Variants in ARHGAP42 observed in about 807,000 individuals in gnomAD.
ARHGAP42 encodes the protein rho GTPase-activating protein 42.
ARHGAP42 carries 63 observed loss-of-function variants against 125.0 expected under a neutral mutation model. That is an observed-to-expected ratio of 0.50 (90% CI 0.41 to 0.62). The LOEUF (loss-of-function observed/expected upper bound fraction) is 0.62. Among genes scored for constraint, ARHGAP42 ranks in the 20% least tolerant of loss-of-function variants. The probability of loss-of-function intolerance (pLI) is 0.00; values close to 1 mark genes in which losing one functional copy is unlikely to be tolerated. For synonymous variants in ARHGAP42, 339 were observed against 351.0 expected, an observed-to-expected ratio of 0.97 and a Z score of 0.38; for missense variants, 766 against 1,024.2, an observed-to-expected ratio of 0.75 and a Z score of 3.44.
chr11:100,920,939 C>T (rs537938244), intron 5 of ARHGAP42, among the ~76,000 whole-genome samples: 1 of 152,038 alleles, frequency 6.6e-6, no homozygotes, highest in African/African-American at 2.4e-5. Context: ...TGTTATGCAG[C>T]ATCCAAGATA....
At chr11:100,802,140 AG>A (rs1457112521) in intron 3 of ARHGAP42, among the ~76,000 whole-genome samples, 2 of 152,306 alleles carry the variant, frequency 1.3e-5, no homozygotes, top group East Asian at 3.9e-4. Flanking sequence ...GTACCACCAT[AG>A]AAACCAGTCT....
chr11:100,687,512 A>C lies in ARHGAP42; in HGVS notation c.-167A>C. On this transcript the variant is annotated 5_prime_UTR_variant, in exon 1 of 24. Transcript: ENST00000298815. The stretch of plus-strand genomic sequence containing the variant: ...GGGGGAGGAAGACTGAGCCCGGCGC[A>C]GGCGGCGCGGCGCTCGGGGCCCGTT... The C allele has an allele frequency of 5.4e-6, 2 of 368,250 alleles. No individual in the cohort carries two copies. Among genetic ancestry groups the C allele is most frequent in the Non-Finnish European group, 8.2e-6 (2 of 243,532 alleles). 22.8% of individuals were successfully genotyped at this position (368,250 alleles called of 1,614,324 possible). A position where few individuals can be genotyped will look rare whatever the true frequency, so the allele number is the denominator to read the frequency against.
At position 100,991,212 on chromosome 11, in the gene ARHGAP42, A is replaced by G. The variant is rs1858823042; in HGVS notation, c.*2411A>G. On this transcript the variant is annotated 3_prime_UTR_variant, in exon 24 of 24. Coordinates refer to ENST00000298815, the MANE Select transcript of ARHGAP42 (RefSeq NM_152432.4). ...CAATGTAAGCAAGTCATGGCCATATACTGGAGACGGGCTAAAGCTGCTTTT... is the reference window on the plus strand; with the variant it reads ...CAATGTAAGCAAGTCATGGCCATATGCTGGAGACGGGCTAAAGCTGCTTTT... The G allele has an allele frequency of 6.6e-6, 1 of 152,172 alleles. No individual in the cohort carries two copies. The highest frequency in any genetic ancestry group is 1.5e-5 in the Non-Finnish European group (1 of 68,026). 9.4% of individuals were successfully genotyped at this position (152,172 alleles called of 1,614,324 possible). A position where few individuals can be genotyped will look rare whatever the true frequency, so the allele number is the denominator to read the frequency against.
intron 4 of ARHGAP42, among the ~76,000 whole-genome samples, chr11:100,889,061 A>G (rs1181340312): frequency 6.6e-6 from 1 of 152,198 alleles, no homozygotes; most frequent in Non-Finnish European, 1.5e-5. Flanking sequence ...TAAACTTAAC[A>G]TCCTTGGAAC....
At chr11:100,942,135 G>C (rs1250719920) in intron 9 of ARHGAP42, among the ~76,000 whole-genome samples, 1 of 152,136 alleles carries the variant, frequency 6.6e-6, no homozygotes, top group African/African-American at 2.4e-5. Context: ...GTAGATTACA[G>C]AGGTGTCATC....
intron 1 of ARHGAP42, among the ~76,000 whole-genome samples, chr11:100,760,786 A>T (rs1037640835): frequency 6.6e-6 from 1 of 152,186 alleles, no homozygotes; most frequent in Non-Finnish European, 1.5e-5. Context: ...GGAGAAAGGA[A>T]GTTGTAAGAG....
chr11:100,977,780 G>A (rs890865195), intron 21 of ARHGAP42, among the ~76,000 whole-genome samples: 8 of 152,072 alleles, frequency 5.3e-5, no homozygotes, highest in Non-Finnish European at 8.8e-5. Flanking sequence ...CTTTTCTACC[G>A]TTTCCAACCT....
At chr11:100,923,712 T>C (rs1867343347) in intron 6 of ARHGAP42, among the ~76,000 whole-genome samples, 1 of 152,182 alleles carries the variant, frequency 6.6e-6, no homozygotes, top group African/African-American at 2.4e-5. Context: ...TCTTCTGTCA[T>C]GCATGCCTTT....
intron 1 of ARHGAP42, among the ~76,000 whole-genome samples, chr11:100,743,173 T>C (rs1451972651): frequency 2.0e-5 from 3 of 152,236 alleles, no homozygotes; most frequent in Non-Finnish European, 2.9e-5. Flanking sequence ...GTGAGTTTTA[T>C]GCTTTCAAGA....
chr11:100,942,556 G>A (rs1283426802), intron 9 of ARHGAP42, among the ~76,000 whole-genome samples: 2 of 152,142 alleles, frequency 1.3e-5, no homozygotes, highest in African/African-American at 4.8e-5. Flanking sequence ...GTCACAATCT[G>A]AGCACGCTGA....
chr11:100,925,294 T>C (rs575971967), intron 6 of ARHGAP42, among the ~76,000 whole-genome samples: 2 of 152,188 alleles, frequency 1.3e-5, no homozygotes, highest in South Asian at 4.1e-4. Context: ...GCTGTAAATA[T>C]AAAATCAACA....
intron 17 of ARHGAP42, among the ~76,000 whole-genome samples, chr11:100,969,994 T>C (rs543657097): frequency 6.8e-6 from 1 of 147,500 alleles, no homozygotes; most frequent in African/African-American, 2.5e-5. Context: ...GTTTAGTGTC[T>C]TTTTTTTTTG....
At chr11:100,874,605 G>A (rs1011134016) in intron 4 of ARHGAP42, among the ~76,000 whole-genome samples, 4 of 152,164 alleles carry the variant, frequency 2.6e-5, no homozygotes, top group African/African-American at 7.2e-5. Context: ...GGAGTTCACA[G>A]ATGAGCCTCT....
chr11:100,913,397 G>A (rs958278566), intron 4 of ARHGAP42, 55 bp from the exon 5 acceptor site: 22 of 797,506 alleles, frequency 2.8e-5, no homozygotes, highest in Non-Finnish European at 3.8e-5. Context: ...GTGAAAGTCG[G>A]GGTTTTCTGG....
chr11:100,712,906 A>G (rs1861588685), intron 1 of ARHGAP42, among the ~76,000 whole-genome samples: 1 of 152,152 alleles, frequency 6.6e-6, no homozygotes, highest in Non-Finnish European at 1.5e-5. Context: ...ATGTCTGGCT[A>G]TTTAATTTGC....
intron 2 of ARHGAP42, among the ~76,000 whole-genome samples, chr11:100,780,576 T>C (rs1209400182): frequency 6.6e-6 from 1 of 152,330 alleles, no homozygotes. Flanking sequence ...AGACTAATAA[T>C]ACGATAGGTT....
intron 1 of ARHGAP42, among the ~76,000 whole-genome samples, chr11:100,762,270 T>C (rs1306015274): frequency 6.6e-6 from 1 of 152,156 alleles, no homozygotes; most frequent in Non-Finnish European, 1.5e-5. Flanking sequence ...CAAACAACCA[T>C]GTTGTTCTAG....
intron 3 of ARHGAP42, among the ~76,000 whole-genome samples, chr11:100,848,415 A>T (rs1050401911): frequency 6.6e-6 from 1 of 152,038 alleles, no homozygotes; most frequent in Non-Finnish European, 1.5e-5. Flanking sequence ...CCGGGTTAAC[A>T]TGGAGATAAG....
rs139935020 is a variant in ARHGAP42, at chr11:100,925,584, A to G, written c.597+3980A>G. 6.1e-3 allele frequency among the ~76,000 whole-genome samples: 928 copies of G among 151,778 alleles called. 5 individuals carry two copies. Among genetic ancestry groups the G allele is most frequent in the African/African-American group, 0.022 (888 of 41,234 alleles). On this transcript the variant is annotated intron_variant, in intron 6 of 23. Coordinates refer to ENST00000298815, the MANE Select transcript of ARHGAP42 (RefSeq NM_152432.4). ...GAAACCTCATCTCTACTAAAAATACAAAAATTAGCCAGGCGTGGTGGTGGG... is the reference window on the plus strand; with the variant it reads ...GAAACCTCATCTCTACTAAAAATACGAAAATTAGCCAGGCGTGGTGGTGGG...
Sources: allele counts gnomAD v4.1 joint callset (sites outside exome capture counted in the v4.1 genomes callset), GRCh38; gene constraint gnomAD v4.1.1; transcripts MANE v1.5; gene names NCBI Gene and HGNC (gene_info 2026-07-23, HGNC 2026-07-21).